The following NCKAP5 variants were observed in gnomAD, a reference collection of about 807,000 sequenced individuals.
NCKAP5 encodes NCK associated protein 5.
NCKAP5 carries 92 observed loss-of-function variants against 167.0 expected under a neutral mutation model. That is an observed-to-expected ratio of 0.55 (90% CI 0.47 to 0.66). The LOEUF (loss-of-function observed/expected upper bound fraction) is 0.66, where lower values mean the gene tolerates loss of function less well. NCKAP5 is among the 30% of genes least tolerant of loss of function. The probability of loss-of-function intolerance (pLI) is 0.00; values close to 1 mark genes in which losing one functional copy is unlikely to be tolerated. For missense variants in NCKAP5, 2,378 were observed against 2,315.0 expected (o/e 1.03, Z -0.56); for synonymous variants, 891 against 877.4 (o/e 1.02, Z -0.27).
At chr2:132,822,472 C>T (rs1052333798) in intron 11 of NCKAP5, among the ~76,000 whole-genome samples, 3 of 152,178 alleles carry the variant, frequency 2.0e-5, no homozygotes, top group African/African-American at 4.8e-5. Context: ...TCACTGCAGT[C>T]CAGCTCTCAG....
intron 6 of NCKAP5, among the ~76,000 whole-genome samples, chr2:133,040,712 G>A (rs555304755): frequency 4.1e-4 from 62 of 152,114 alleles, no homozygotes; most frequent in Non-Finnish European, 7.9e-4. Context: ...AATAATGAAG[G>A]TTAAGGTAGA....
At chr2:133,314,489 C>T (rs1232682085) in intron 3 of NCKAP5, among the ~76,000 whole-genome samples, 1 of 152,130 alleles carries the variant, frequency 6.6e-6, no homozygotes, top group African/African-American at 2.4e-5. Context: ...TGCTGCTGGT[C>T]TGGGGACCAC....
intron 3 of NCKAP5, among the ~76,000 whole-genome samples, chr2:133,347,389 A>G (rs1376032674): frequency 6.6e-6 from 1 of 151,968 alleles, no homozygotes; most frequent in Non-Finnish European, 1.5e-5. Context: ...CCCCATCTCT[A>G]CTAAAAGTAC....
rs1479809796 is a variant in NCKAP5, at chr2:133,467,926, G to A, written c.69+49532C>T. On this transcript the variant is annotated intron_variant, in intron 3 of 19. Transcript: ENST00000409261. ...TTTCTTCTTTATTAGTCTTGCTAGC[G>A]GTCTATCAATTTTGTTGATCCTTTC... Among the ~76,000 whole-genome samples, 111 of 128,914 alleles carry A rather than the reference G, an allele frequency of 8.6e-4. 19 individuals carry two copies. The highest frequency in any genetic ancestry group is 2.7e-3 in the African/African-American group (87 of 32,642). The allele number at this position is 128,914 out of a possible 152,430, so 84.6% of individuals were successfully genotyped here.
intron 8 of NCKAP5, among the ~76,000 whole-genome samples, chr2:132,879,184 G>T (rs1282344135): frequency 1.3e-5 from 2 of 152,168 alleles, no homozygotes; most frequent in Non-Finnish European, 2.9e-5. Flanking sequence ...GGTTTGATGT[G>T]AGAGTGTTCC....
intron 8 of NCKAP5, among the ~76,000 whole-genome samples, chr2:132,919,169 T>C (rs767080231): frequency 5.8e-4 from 88 of 152,100 alleles, no homozygotes; most frequent in Non-Finnish European, 1.0e-3. Flanking sequence ...CCAATTTACA[T>C]GTATGGGTGG....
intron 5 of NCKAP5, among the ~76,000 whole-genome samples, chr2:133,192,587 C>A (rs909510900): frequency 6.6e-6 from 1 of 151,314 alleles, no homozygotes; most frequent in Admixed American, 6.6e-5. Flanking sequence ...AGAAAACGGG[C>A]AAAAAGACAT....
chr2:132,728,808 C>A lies in NCKAP5; in HGVS notation c.5580+8G>T, dbSNP rs755259357. The A allele has an allele frequency of 1.9e-6, 3 of 1,613,638 alleles. No homozygotes were observed. Among genetic ancestry groups the A allele is most frequent in the Non-Finnish European group, 1.7e-6 (2 of 1,179,762 alleles). On this transcript the variant is annotated splice_region_variant and intron_variant, in intron 18 of 19. Transcript: ENST00000409261. ...GGATTGCACCCTTCACCTCCCCCGA[C>A]CCCTCACCTGGGTCCCGGTGGCAGC...
intron 5 of NCKAP5, among the ~76,000 whole-genome samples, chr2:133,135,064 G>A (rs987290790): frequency 6.6e-5 from 10 of 152,176 alleles, no homozygotes; most frequent in Admixed American, 6.5e-5. Context: ...TCCCGGCTTC[G>A]TTAGACTTAC....
At chr2:133,152,094 A>G (rs2083403263) in intron 5 of NCKAP5, among the ~76,000 whole-genome samples, 1 of 152,218 alleles carries the variant, frequency 6.6e-6, no homozygotes, top group African/African-American at 2.4e-5. Context: ...TGAGATGAAG[A>G]CAAGTAAAAT....
chr2:132,845,811 C>T (rs1352241159), intron 11 of NCKAP5, among the ~76,000 whole-genome samples: 1 of 152,068 alleles, frequency 6.6e-6, no homozygotes, highest in African/African-American at 2.4e-5. Context: ...TTGACAAGTC[C>T]CATAAAAAAT....
intron 11 of NCKAP5, among the ~76,000 whole-genome samples, chr2:132,851,065 G>T (rs1689041333): frequency 6.6e-6 from 1 of 152,050 alleles, no homozygotes; most frequent in African/African-American, 2.4e-5. Flanking sequence ...GAGATGTTAG[G>T]CCGACAGTGA....
At chr2:133,389,323 G>T (rs1430398133) in intron 3 of NCKAP5, among the ~76,000 whole-genome samples, 1 of 152,220 alleles carries the variant, frequency 6.6e-6, no homozygotes, top group African/African-American at 2.4e-5. Context: ...ACTCCTCTGT[G>T]TTCAGACATC....
the NCKAP5 span, among the ~76,000 whole-genome samples, chr2:133,612,931 G>C: frequency 6.6e-6 from 1 of 152,176 alleles, no homozygotes; most frequent in South Asian, 2.1e-4. Context: ...AGCAGGCATT[G>C]AGGAGAAATG....
chr2:133,107,875 C>A (rs1474378273), intron 6 of NCKAP5, among the ~76,000 whole-genome samples: 1 of 152,156 alleles, frequency 6.6e-6, no homozygotes, highest in Non-Finnish European at 1.5e-5. Context: ...ATTATCTAGT[C>A]CATCTCACTG....
At chr2:132,720,969 C>G (rs904859110) in intron 19 of NCKAP5, among the ~76,000 whole-genome samples, 15 of 151,046 alleles carry the variant, frequency 9.9e-5, no homozygotes, top group Admixed American at 4.6e-4. Flanking sequence ...CAAGATCGTG[C>G]CACTGCACTC....
chr2:133,237,236 T>C (rs1244704556), intron 4 of NCKAP5, among the ~76,000 whole-genome samples: 1 of 152,318 alleles, frequency 6.6e-6, no homozygotes, highest in African/African-American at 2.4e-5. Flanking sequence ...TAAGCAGAGA[T>C]AGATTTTTTA....
intron 3 of NCKAP5, 93 bp from the exon 4 acceptor site, chr2:133,303,203 C>T (rs375560670): frequency 1.3e-6 from 1 of 796,948 alleles, no homozygotes; most frequent in African/African-American, 1.7e-5. Flanking sequence ...GTATTTTTGA[C>T]AACATTATCC....
intron 3 of NCKAP5, among the ~76,000 whole-genome samples, chr2:133,458,134 CTTTA>C (rs1303714527): frequency 4.6e-5 from 7 of 152,104 alleles, no homozygotes; most frequent in African/African-American, 1.7e-4. Flanking sequence ...TAAAGACAAA[CTTTA>C]TTGAGTTTGG....
Sources: gnomAD v4.1 joint callset for allele counts (sites outside exome capture counted in the v4.1 genomes callset) on GRCh38, gnomAD v4.1.1 for gene constraint, MANE v1.5 for transcripts, NCBI Gene and HGNC (gene_info 2026-07-23, HGNC 2026-07-21) for gene names.